FRMPD2: variants seen among roughly 807,000 people sequenced by gnomAD.
FRMPD2 encodes the protein FERM and PDZ domain containing 2.
In FRMPD2, 96 loss-of-function variants were observed where a neutral mutation model predicts 140.1. The ratio of observed to expected loss-of-function variants is 0.69; its 90% CI spans 0.58 to 0.81. FRMPD2 has a LOEUF of 0.81. FRMPD2 is among the 40% of genes least tolerant of loss of function. The probability of loss-of-function intolerance (pLI) is 0.00; values close to 1 mark genes in which losing one functional copy is unlikely to be tolerated. For missense variants in FRMPD2, 1,240 were observed against 1,447.4 expected (o/e 0.86, Z 2.32); for synonymous variants, 449 against 547.6 (o/e 0.82, Z 2.52).
At chr10:48,218,774 G>A (rs1354876592) in intron 12 of FRMPD2, among the ~76,000 whole-genome samples, 1 of 152,196 alleles carries the variant, frequency 6.6e-6, no homozygotes, top group East Asian at 1.9e-4. Flanking sequence ...GACACAAGAA[G>A]CCCAAGTCCT....
chr10:48,259,015 TA>T lies in FRMPD2; in HGVS notation c.26-7325del, dbSNP rs1840534273. Among the ~76,000 whole-genome samples, 6 of 152,252 alleles carry T rather than the reference TA, an allele frequency of 3.9e-5. No homozygotes were observed. In the South Asian group the frequency reaches 1.2e-3, roughly 32 times the overall value. On this transcript the variant is annotated intron_variant, in intron 1 of 28. Coordinates refer to ENST00000374201, the MANE Select transcript of FRMPD2 (RefSeq NM_001018071.4). The stretch of plus-strand genomic sequence containing the variant: ...TTCTGAGCAGACTGTCTTCTTGACA[TA>T]ATCTGAAAAATTGAAGTAAAATGTC...
intron 10 of FRMPD2, 124 bp from the exon 11 acceptor site, chr10:48,223,394 G>T: frequency 2.3e-6 from 2 of 854,608 alleles, no homozygotes; most frequent in Non-Finnish European, 3.4e-6. Flanking sequence ...GGAGTGGGAG[G>T]TAAGTCTTTG....
intron 1 of FRMPD2, among the ~76,000 whole-genome samples, chr10:48,262,145 C>A (rs1840602921): frequency 1.3e-5 from 2 of 151,716 alleles, no homozygotes; most frequent in African/African-American, 4.8e-5. Context: ...TCTAAGTATG[C>A]CAGTTAAAAG....
intron 1 of FRMPD2, among the ~76,000 whole-genome samples, chr10:48,270,132 A>G (rs1017566972): frequency 1.3e-5 from 2 of 152,252 alleles, no homozygotes; most frequent in Admixed American, 6.5e-5. Flanking sequence ...GTCATAAAAG[A>G]AACGGTGATT....
chr10:48,175,245 G>A, intron 23 of FRMPD2: 1 of 801,592 alleles, frequency 1.2e-6, no homozygotes, highest in Non-Finnish European at 1.9e-6. Flanking sequence ...GTTTTCCTGT[G>A]AAACCATTTT....
chr10:48,236,305 G>A (rs144521205), intron 9 of FRMPD2, among the ~76,000 whole-genome samples, 177 bp downstream of exon 9: 101 of 152,258 alleles, frequency 6.6e-4, no homozygotes, highest in African/African-American at 2.1e-3. Context: ...CCCTTTAACA[G>A]GCTGAAGGGA....
At chr10:48,182,132 G>T (rs2132423645) in intron 20 of FRMPD2, among the ~76,000 whole-genome samples, 1 of 152,176 alleles carries the variant, frequency 6.6e-6, no homozygotes, top group East Asian at 1.9e-4. Flanking sequence ...AAATAAATCT[G>T]ATTTAATGAA....
At chr10:48,175,056 G>A (rs1838370391) in intron 23 of FRMPD2, 101 bp from the exon 24 acceptor site, 1 of 579,996 alleles carries the variant, frequency 1.7e-6, no homozygotes, top group Non-Finnish European at 2.8e-6. Context: ...GCAGCCTGGA[G>A]AAGTGGGAAA....
chr10:48,222,387 A>G lies in FRMPD2; in HGVS notation c.1381T>C (p.Tyr461His). 1.2e-6 allele frequency: 2 copies of G among 1,614,206 alleles called. No individual in the cohort carries two copies. Among genetic ancestry groups the G allele is most frequent in the Non-Finnish European group, 1.7e-6 (2 of 1,180,012 alleles). The part of the protein sequence containing the change: ...LRKDILEERL[Y>H]CNEEILLQLG... ...TGCAGCAGTATCTCTTCATTGCAGT[A>G]CAGCCTCTCCTCCAGGATATCTTTC... Residue 461 changes from tyrosine to histidine, a missense_variant, in exon 12 of 29, where the codon TAC becomes CAC. This residue lies in a region of FRMPD2 where 1,161 missense variants were observed against 1,055.9 expected (regional missense o/e 1.10). Coordinates refer to ENST00000374201, the MANE Select transcript of FRMPD2 (RefSeq NM_001018071.4).
intron 3 of FRMPD2, among the ~76,000 whole-genome samples, chr10:48,247,782 A>G (rs1422718530): frequency 6.6e-6 from 1 of 152,204 alleles, no homozygotes; most frequent in Non-Finnish European, 1.5e-5. Context: ...TCCAGGGCAT[A>G]AGAGGCAACT....
chr10:48,245,601 T>C (rs929763617), intron 3 of FRMPD2, among the ~76,000 whole-genome samples: 2 of 152,242 alleles, frequency 1.3e-5, no homozygotes, highest in African/African-American at 4.8e-5. Flanking sequence ...ATTATTATTA[T>C]TGGACATAGA....
At chr10:48,251,101 C>A (rs1049854675) in intron 2 of FRMPD2, among the ~76,000 whole-genome samples, 1 of 152,166 alleles carries the variant, frequency 6.6e-6, no homozygotes, top group African/African-American at 2.4e-5. Context: ...CCGTGCCCAG[C>A]CAGGTCTGCC....
intron 22 of FRMPD2, chr10:48,177,711 C>T: frequency 4.6e-6 from 1 of 215,390 alleles, no homozygotes; most frequent in South Asian, 8.0e-5. Flanking sequence ...GCCCTTCTTA[C>T]CTTTAGCTTG....
intron 4 of FRMPD2, 88 bp from the exon 5 acceptor site, chr10:48,242,440 T>A: frequency 8.7e-7 from 1 of 1,149,592 alleles, no homozygotes; most frequent in Non-Finnish European, 1.2e-6. Flanking sequence ...CTTGGAGACA[T>A]GGAAACGGGT....
At chr10:48,262,536 A>G (rs1179312761) in intron 1 of FRMPD2, among the ~76,000 whole-genome samples, 4 of 152,194 alleles carry the variant, frequency 2.6e-5, no homozygotes, top group Non-Finnish European at 4.4e-5. Context: ...ACAATCTACT[A>G]TTATACCTGG....
intron 9 of FRMPD2, among the ~76,000 whole-genome samples, chr10:48,234,671 T>A (rs1839926225): frequency 6.6e-6 from 1 of 151,946 alleles, no homozygotes; most frequent in Non-Finnish European, 1.5e-5. Context: ...GGGACAGAGG[T>A]CTAAAAAGTA....
chr10:48,247,235 T>C (rs280616), intron 3 of FRMPD2, among the ~76,000 whole-genome samples: 31,213 of 152,156 alleles, frequency 0.21, 4,658 homozygotes, highest in African/African-American at 0.43. Flanking sequence ...TGGGCCTTCA[T>C]AAGGTACTCA....
At chr10:48,205,549 A>G (rs1839182925) in intron 14 of FRMPD2, among the ~76,000 whole-genome samples, 1 of 152,244 alleles carries the variant, frequency 6.6e-6, no homozygotes, top group Non-Finnish European at 1.5e-5. Context: ...GAAAATAAGT[A>G]ATGTAGTAGT....
chr10:48,261,424 A>T (rs1476202203), intron 1 of FRMPD2, among the ~76,000 whole-genome samples: 1 of 152,164 alleles, frequency 6.6e-6, no homozygotes, highest in Non-Finnish European at 1.5e-5. Flanking sequence ...TAACTTACAT[A>T]TATAGCAGAA....
Sources: allele counts gnomAD v4.1 joint callset (sites outside exome capture counted in the v4.1 genomes callset), GRCh38; gene constraint gnomAD v4.1.1; regional missense constraint gnomAD v4.1.1; transcripts MANE v1.5; gene names NCBI Gene and HGNC (gene_info 2026-07-23, HGNC 2026-07-21).